CENPK: variants seen among roughly 807,000 people sequenced by gnomAD.
CENPK encodes SoxLZ/Sox6-binding protein Solt.
In CENPK, 46 loss-of-function variants were observed where a neutral mutation model predicts 40.9. The ratio of observed to expected loss-of-function variants is 1.13; its 90% confidence interval spans 0.89 to 1.44. The LOEUF is 1.44. Ranked by LOEUF, CENPK falls within the 40% of genes most tolerant of loss-of-function variation. The pLI, the probability that CENPK is intolerant of heterozygous loss-of-function variation, is 0.00. For synonymous variants in CENPK, 107 were observed against 104.4 expected (o/e 1.02, Z -0.15); for missense variants, 288 against 303.5 (o/e 0.95, Z 0.38).
At chr5:65,520,992 C>T (rs540441825) in intron 10 of CENPK, among the ~76,000 whole-genome samples, 21 of 152,224 alleles carry the variant, frequency 1.4e-4, no homozygotes, top group African/African-American at 4.8e-4. Context: ...AAACTCAGTA[C>T]TTACACTGTA....
chr5:65,497,471 C>T, the CENPK span, among the ~76,000 whole-genome samples: 2,199 of 152,242 alleles, frequency 0.014, 47 homozygotes, highest in African/African-American at 0.051. Context: ...CAGTTGACCT[C>T]ATCAAAGTAA....
the CENPK span, among the ~76,000 whole-genome samples, chr5:65,499,622 C>T: frequency 5.6e-5 from 8 of 143,762 alleles, no homozygotes; most frequent in East Asian, 1.4e-3. Context: ...TCTCCTCTTT[C>T]TGGGACTTTG....
intron 5 of CENPK, chr5:65,551,328 T>C: frequency 2.7e-6 from 1 of 370,276 alleles, no homozygotes; most frequent in Non-Finnish European, 4.9e-6. Flanking sequence ...GATAACATAA[T>C]AGCTATAATA....
chr5:65,519,173 G>T (rs1743245477), intron 10 of CENPK, among the ~76,000 whole-genome samples: 2 of 152,092 alleles, frequency 1.3e-5, no homozygotes. Context: ...TTGAGTATTT[G>T]TATTAAATTA....
chr5:65,555,106 AAAAAT>A, intron 2 of CENPK, 160 bp from the exon 3 acceptor site: 2 of 454,316 alleles, frequency 4.4e-6, no homozygotes, highest in Non-Finnish European at 7.5e-6. Context: ...CAATAAAATA[AAAAAT>A]AAAACATATA....
rs1343109599 is a variant in CENPK at position 65,518,005 on chromosome 5, C to G, written c.*470G>C. The G allele has an allele frequency of 1.3e-5, 2 of 152,016 alleles. No individual in the cohort carries two copies. The highest frequency in any genetic ancestry group is 4.8e-5 in the African/African-American group (2 of 41,378). The allele number at this position is 152,016 out of a possible 1,614,324, so 9.4% of individuals were successfully genotyped here. ...AGACAGTATATATGAAACAAATTTG[C>G]TAAATATTTTTAAATTATGCCACCT... On this transcript the variant is annotated 3_prime_UTR_variant, in exon 11 of 11. Coordinates refer to ENST00000396679, the MANE Select transcript of CENPK (RefSeq NM_022145.5).
the CENPK span, among the ~76,000 whole-genome samples, chr5:65,496,731 C>T: frequency 6.6e-6 from 1 of 151,012 alleles, no homozygotes; most frequent in East Asian, 1.9e-4. Context: ...TGTTTTTTTT[C>T]CAAAGTATTT....
intron 4 of CENPK, 32 bp from the exon 5 acceptor site, chr5:65,551,668 T>C: frequency 8.0e-7 from 1 of 1,247,516 alleles, no homozygotes; most frequent in Non-Finnish European, 1.1e-6. Flanking sequence ...TCATTTTCTG[T>C]GGACTATTCA....
intron 5 of CENPK, among the ~76,000 whole-genome samples, chr5:65,549,799 GT>G (rs1429089293): frequency 6.6e-6 from 1 of 152,198 alleles, no homozygotes; most frequent in Non-Finnish European, 1.5e-5. Flanking sequence ...ATGATGGCTG[GT>G]TTGATCATCT....
At chr5:65,559,608 G>A (rs557308605) in intron 2 of CENPK, among the ~76,000 whole-genome samples, 1 of 138,898 alleles carries the variant, frequency 7.2e-6, no homozygotes. Flanking sequence ...CAGCCTGGGC[G>A]ACAGAGCGAG....
intron 2 of CENPK, among the ~76,000 whole-genome samples, chr5:65,556,372 G>A (rs555946441): frequency 3.9e-5 from 6 of 152,212 alleles, no homozygotes; most frequent in African/African-American, 1.4e-4. Context: ...CTGCTCAGGA[G>A]GCAGGGGCAG....
chr5:65,542,409 C>T lies in CENPK; in HGVS notation c.288+393G>A, dbSNP rs950602626. Among the ~76,000 whole-genome samples, 6 of 152,110 alleles carry T rather than the reference C, an allele frequency of 3.9e-5. No homozygotes were observed. In the East Asian group the frequency reaches 9.6e-4, roughly 24 times the overall value. On this transcript the variant is annotated intron_variant, in intron 6 of 10. Transcript: ENST00000396679. ...ATCCCAGCACTTTGGGAGACTGAGGCGGGCAGATCACGAAGTCAGGAGTTC... is the reference window on the plus strand; with the variant it reads ...ATCCCAGCACTTTGGGAGACTGAGGTGGGCAGATCACGAAGTCAGGAGTTC...
downstream of CENPK, among the ~76,000 whole-genome samples, chr5:65,516,780 A>T (rs1254800394): frequency 6.6e-6 from 1 of 152,218 alleles, no homozygotes; most frequent in Non-Finnish European, 1.5e-5. Flanking sequence ...TATTAAAAAT[A>T]AGCTATTAGC....
In CENPK at chr5:65,551,569, G is replaced by C; in HGVS notation, c.236C>G (p.Pro79Arg). 1 of 1,507,378 alleles carries C rather than the reference G, an allele frequency of 6.6e-7. No homozygotes were observed. The highest frequency in any genetic ancestry group is 9.0e-7 in the Non-Finnish European group (1 of 1,107,170). The allele number at this position is 1,507,378 out of a possible 1,614,324, so 93.4% of individuals were successfully genotyped here. ...AELSQWQKKT[P>R]ETIPLTEDVL... ...ATTTAAAATAAGAATCTTACTTTCA[G>C]GTGTTTTTTTCTGCCATTGACTGAG... The change falls in exon 5 of 11, where the codon CCT becomes CGT. Residue 79 changes from proline (P) to arginine (R), a missense_variant. Coordinates refer to ENST00000396679, the MANE Select transcript of CENPK (RefSeq NM_022145.5).
chr5:65,561,543 C>A lies in CENPK; in HGVS notation c.-120G>T, dbSNP rs1001509723. ...AACCAGAAAATGATGGCACCCAGAT[C>A]TTGAATCTCCAGCCTCTAGACCTGT... On this transcript the variant is annotated 5_prime_UTR_variant, in exon 2 of 11. Transcript: ENST00000396679. The A allele has an allele frequency of 2.2e-6, 1 of 455,904 alleles. No individual in the cohort carries two copies. 28.2% of individuals were successfully genotyped at this position (455,904 alleles called of 1,614,324 possible).
chr5:65,547,613 AAATTGTATAGGAAG>A (rs1248567761), intron 5 of CENPK, among the ~76,000 whole-genome samples: 1 of 152,150 alleles, frequency 6.6e-6, no homozygotes, highest in Non-Finnish European at 1.5e-5. Flanking sequence ...AATATGGATA[AAATTGTATAGGAAG>A]AGAATGAGGA....
At chr5:65,514,901 T>C (rs1019631785), downstream of CENPK, among the ~76,000 whole-genome samples, 1 of 152,272 alleles carries the variant, frequency 6.6e-6, no homozygotes, top group African/African-American at 2.4e-5. Flanking sequence ...ACAAGAAGAG[T>C]AATAATGGCA....
downstream of CENPK, among the ~76,000 whole-genome samples, chr5:65,514,645 G>T (rs1484607470): frequency 6.6e-6 from 1 of 152,126 alleles, no homozygotes; most frequent in Non-Finnish European, 1.5e-5. Flanking sequence ...TGACAAAATT[G>T]GCATCACTTT....
downstream of CENPK, among the ~76,000 whole-genome samples, chr5:65,516,296 T>C (rs970332536): frequency 2.0e-5 from 3 of 152,244 alleles, no homozygotes; most frequent in African/African-American, 7.2e-5. Flanking sequence ...AACTGATTGA[T>C]ATAAATTACT....
Sources: allele counts gnomAD v4.1 joint callset (sites outside exome capture counted in the v4.1 genomes callset), GRCh38; gene constraint gnomAD v4.1.1; transcripts MANE v1.5; gene names NCBI Gene and HGNC (gene_info 2026-07-23, HGNC 2026-07-21).